The following SYNDIG1 variants were observed in gnomAD, a reference collection of about 807,000 sequenced individuals.
SYNDIG1 encodes the protein synapse differentiation-inducing gene protein 1.
In SYNDIG1, 9 loss-of-function variants were observed where a neutral mutation model predicts 19.4. The observed-to-expected ratio is 0.46, with a 90% CI of 0.28 to 0.81. The LOEUF (loss-of-function observed/expected upper bound fraction) is 0.81. SYNDIG1 is among the 30% of genes least tolerant of loss of function. The pLI is 0.12. For missense variants in SYNDIG1, 311 were observed against 343.3 expected, an observed-to-expected ratio of 0.91 and a Z score of 0.74; for synonymous variants, 141 against 145.9, an observed-to-expected ratio of 0.97 and a Z score of 0.24.
intron 1 of SYNDIG1, among the ~76,000 whole-genome samples, chr20:24,485,043 T>G (rs770385518): frequency 6.6e-6 from 1 of 152,178 alleles, no homozygotes; most frequent in Non-Finnish European, 1.5e-5. Flanking sequence ...TTTGGTCTCT[T>G]TCCCTGCGTT....
chr20:24,575,244 G>T (rs1270650315), intron 2 of SYNDIG1, among the ~76,000 whole-genome samples: 1 of 152,162 alleles, frequency 6.6e-6, no homozygotes, highest in East Asian at 1.9e-4. Context: ...GTCTTCATGG[G>T]GATGTGCTAG....
At position 24,658,297 on chromosome 20, in the gene SYNDIG1, G is replaced by A. The variant is rs1017718824; in HGVS notation, c.619-7049G>A. ...GCCCAGCACTTCAGACATCTCCAGG[G>A]TGTCTCGGGGAAAGGCAGGTAGTGA... On this transcript the variant is annotated intron_variant, in intron 3 of 3. Transcript: ENST00000376862. This position sits in a 1 kb window ranked among gnomAD's most constrained non-coding sequence, Gnocchi z 4.4. Among the ~76,000 whole-genome samples the A allele has an allele frequency of 2.0e-5, 3 of 152,130 alleles. No individual in the cohort carries two copies. The highest frequency in any genetic ancestry group is 4.8e-5 in the African/African-American group (2 of 41,442).
chr20:24,587,386 T>A (rs929246180), intron 3 of SYNDIG1, among the ~76,000 whole-genome samples: 2 of 152,156 alleles, frequency 1.3e-5, no homozygotes, highest in Admixed American at 6.5e-5. Context: ...AGAACTCCCA[T>A]CCCAGGCAGC....
At chr20:24,651,907 GGT>G (rs2059477816) in intron 3 of SYNDIG1, among the ~76,000 whole-genome samples, 1 of 152,208 alleles carries the variant, frequency 6.6e-6, no homozygotes, top group Admixed American at 6.5e-5. Context: ...CAAGGCACCA[GGT>G]GTGAGTGGAG....
At chr20:24,600,587 A>G (rs2058664241) in intron 3 of SYNDIG1, among the ~76,000 whole-genome samples, 2 of 146,626 alleles carry the variant, frequency 1.4e-5, no homozygotes, top group East Asian at 2.0e-4. Context: ...CTTAACCTTC[A>G]TGTCTTCATC....
intron 3 of SYNDIG1, among the ~76,000 whole-genome samples, chr20:24,618,136 G>A (rs558765970): frequency 7.0e-6 from 1 of 143,086 alleles, no homozygotes; most frequent in South Asian, 2.4e-4. Context: ...GGTCCTGAGG[G>A]AGAGCCCAGG....
chr20:24,542,408 C>T (rs2146716335), intron 1 of SYNDIG1, among the ~76,000 whole-genome samples: 1 of 152,312 alleles, frequency 6.6e-6, no homozygotes, highest in South Asian at 2.1e-4. Flanking sequence ...ACTCAAGATT[C>T]TGCATTTCCA....
chr20:24,645,915 T>C (rs553694320), intron 3 of SYNDIG1, among the ~76,000 whole-genome samples: 1 of 152,154 alleles, frequency 6.6e-6, no homozygotes, highest in Non-Finnish European at 1.5e-5. Context: ...ACAACAATGG[T>C]TTGCAGGAGT....
intron 3 of SYNDIG1, among the ~76,000 whole-genome samples, chr20:24,628,313 A>G (rs1041522631): frequency 2.0e-5 from 3 of 152,190 alleles, no homozygotes; most frequent in Middle Eastern, 3.2e-3. Flanking sequence ...GTCTGCAGCA[A>G]AGTACTCCTC....
intron 2 of SYNDIG1, among the ~76,000 whole-genome samples, chr20:24,565,768 A>T (rs1447066602): frequency 6.6e-6 from 1 of 152,030 alleles, no homozygotes; most frequent in Non-Finnish European, 1.5e-5. Context: ...CCCCCGCTTC[A>T]CAGCCCTGAG....
In SYNDIG1 at chr20:24,487,832, G is replaced by A. The variant is rs185181436; in HGVS notation, c.-79+18079G>A. Among the ~76,000 whole-genome samples, 331 of 152,244 alleles carry A rather than the reference G, an allele frequency of 2.2e-3. 3 individuals are homozygous for A. The South Asian group carries it at 0.039, about 18-fold the overall frequency. On this transcript the variant is annotated intron_variant, in intron 1 of 3. Coordinates refer to ENST00000376862, the MANE Select transcript of SYNDIG1 (RefSeq NM_024893.3). ...GAGGAGGTCCTGGGATCTGGATTTG[G>A]ACTGACCCCATAACTGGCTTGGAGC... is the stretch of plus-strand genomic sequence containing the variant.
intron 1 of SYNDIG1, among the ~76,000 whole-genome samples, chr20:24,531,631 G>GAAAAA (rs11472864): frequency 6.7e-6 from 1 of 150,116 alleles, no homozygotes; most frequent in Admixed American, 6.6e-5. Flanking sequence ...AGACAATTTT[G>GAAAAA]AAAAAAAAAA....
chr20:24,472,735 G>A (rs1414512398), intron 1 of SYNDIG1, among the ~76,000 whole-genome samples: 2 of 152,228 alleles, frequency 1.3e-5, no homozygotes, highest in African/African-American at 2.4e-5. Context: ...ACTGGAGGCA[G>A]TGGGAGGGGA....
At chr20:24,545,200 T>G (rs562194272) in intron 2 of SYNDIG1, among the ~76,000 whole-genome samples, 1 of 152,216 alleles carries the variant, frequency 6.6e-6, no homozygotes, top group South Asian at 2.1e-4. Flanking sequence ...CTCCAGCCGG[T>G]GGAGCCCGGG....
chr20:24,649,415 G>A (rs1225497949), intron 3 of SYNDIG1, among the ~76,000 whole-genome samples: 1 of 152,108 alleles, frequency 6.6e-6, no homozygotes, highest in Non-Finnish European at 1.5e-5. Context: ...GTTTTATTGG[G>A]TTTGAGTGCT....
At chr20:24,661,719 C>T (rs1219104613) in intron 3 of SYNDIG1, among the ~76,000 whole-genome samples, 5 of 151,864 alleles carry the variant, frequency 3.3e-5, no homozygotes, top group East Asian at 1.9e-4. Context: ...AGGGGAGACA[C>T]GAGGGGACTG....
At chr20:24,534,311 C>T (rs1227851439) in intron 1 of SYNDIG1, among the ~76,000 whole-genome samples, 1 of 152,188 alleles carries the variant, frequency 6.6e-6, no homozygotes, top group Admixed American at 6.5e-5. Context: ...GCCTCCACCC[C>T]TCCCCTCCAT....
intron 3 of SYNDIG1, among the ~76,000 whole-genome samples, chr20:24,605,980 A>G (rs751791501): frequency 8.5e-5 from 13 of 152,242 alleles, no homozygotes; most frequent in Non-Finnish European, 1.8e-4. Context: ...CTCCGACAGT[A>G]AAGCTGTCCA....
At chr20:24,649,457 G>T (rs1169563223) in intron 3 of SYNDIG1, among the ~76,000 whole-genome samples, 1 of 152,118 alleles carries the variant, frequency 6.6e-6, no homozygotes, top group Non-Finnish European at 1.5e-5. Flanking sequence ...TCTCAGCGGG[G>T]CTCTTGCACA....
Sources: gnomAD v4.1 joint callset for allele counts (sites outside exome capture counted in the v4.1 genomes callset) on GRCh38, gnomAD v4.1.1 for gene constraint, Gnocchi (gnomAD v3.1) non-coding constraint, MANE v1.5 for transcripts, NCBI Gene and HGNC (gene_info 2026-07-23, HGNC 2026-07-21) for gene names.